DST: variants seen among roughly 807,000 people sequenced by gnomAD.
DST encodes the protein bullous pemphigoid antigen.
In DST, 253 loss-of-function variants were observed where a neutral mutation model predicts 875.2. That is an observed-to-expected ratio of 0.29 (90% CI 0.26 to 0.32). The LOEUF is 0.32. DST is among the 10% of genes least tolerant of loss of function. The pLI, the probability that DST is intolerant of heterozygous loss-of-function variation, is 1.00. For synonymous variants in DST, 3,124 were observed against 3,197.1 expected (o/e 0.98, Z 0.77); for missense variants, 8,287 against 9,111.6 (o/e 0.91, Z 3.68).
chr6:56,719,879 G>A (rs920543882), intron 5 of DST, among the ~76,000 whole-genome samples: 2 of 152,144 alleles, frequency 1.3e-5, no homozygotes, highest in Non-Finnish European at 2.9e-5. Context: ...CAAAGATCAC[G>A]TACTTCACAA....
At chr6:56,641,337 A>C (rs1172961593) in intron 17 of DST, among the ~76,000 whole-genome samples, 1 of 152,212 alleles carries the variant, frequency 6.6e-6, no homozygotes, top group African/African-American at 2.4e-5. Context: ...CTATAATCAC[A>C]GCATTTTGGG....
chr6:56,463,187 A>C (rs759376172), intron 101 of DST, 31 bp from the exon 102 acceptor site: 3 of 1,320,276 alleles, frequency 2.3e-6, no homozygotes, highest in African/African-American at 2.9e-5. Context: ...TCAAATGAAA[A>C]GGATAGCAGA....
intron 2 of DST, among the ~76,000 whole-genome samples, chr6:56,909,857 G>C (rs916663749): frequency 6.6e-6 from 1 of 152,138 alleles, no homozygotes; most frequent in Admixed American, 6.5e-5. Flanking sequence ...GTATCCCATC[G>C]TGCTATATGC....
intron 51 of DST, 118 bp from the exon 52 acceptor site, chr6:56,573,182 T>C: frequency 1.1e-6 from 1 of 888,466 alleles, no homozygotes; most frequent in Non-Finnish European, 1.7e-6. Flanking sequence ...CCTAGGAAGG[T>C]TAACAGTTGA....
chr6:56,485,347 T>G lies in DST; in HGVS notation c.21172A>C (p.Ile7058Leu). The G allele has an allele frequency of 6.2e-7, 1 of 1,613,828 alleles. No individual in the cohort carries two copies. The highest frequency in any genetic ancestry group is 1.3e-5 in the African/African-American group (1 of 75,058). ...LAEDQPVHGD[I>L]DLVMNLIDNH... is the part of the protein sequence containing the mutation. ...TCGATCAGATTCATCACCAAATCAA[T>G]GTCTCCATGAACAGGCTGGTCTTCT... is the stretch of plus-strand genomic sequence containing the variant. Residue 7058 changes from isoleucine (I) to leucine (L), a missense_variant, in exon 88 of 104, where the codon ATT becomes CTT. Physicochemically the swap from Ile to Leu is conservative, Grantham distance 5 (BLOSUM62 2). This residue lies in a region of DST where 1,292 missense variants were observed against 1,552.7 expected (regional missense o/e 0.83). Coordinates refer to ENST00000680361, the MANE Select transcript of DST (RefSeq NM_001374736.1).
At position 56,927,167 on chromosome 6, in the gene DST, C is replaced by G. The variant is rs566133592; in HGVS notation, c.217-26546G>C. Among the ~76,000 whole-genome samples the G allele has an allele frequency of 2.6e-5, 4 of 152,202 alleles. No homozygotes were observed. In the East Asian group the frequency reaches 7.7e-4, roughly 29 times the overall value. On this transcript the variant is annotated intron_variant, in intron 2 of 103. Coordinates refer to ENST00000680361, the MANE Select transcript of DST (RefSeq NM_001374736.1). ...TTTTTTTTAACTAGCTCAGCTAATG[C>G]AGAACACACAAACATCATTTTATCT...
intron 36 of DST, chr6:56,620,483 A>C (rs748256278): frequency 4.3e-6 from 7 of 1,614,018 alleles, no homozygotes; most frequent in Non-Finnish European, 5.9e-6. Flanking sequence ...TATCTTCTGC[A>C]GAGAGATATC....
chr6:56,771,383 C>A (rs1166985685), intron 4 of DST, among the ~76,000 whole-genome samples: 1 of 152,154 alleles, frequency 6.6e-6, no homozygotes, highest in African/African-American at 2.4e-5. Flanking sequence ...GTCCAACTGA[C>A]ATTCTGGATC....
chr6:56,507,739 TAACTTTGG>T (rs1260675234), intron 75 of DST, among the ~76,000 whole-genome samples: 5 of 152,098 alleles, frequency 3.3e-5, no homozygotes, highest in Non-Finnish European at 5.9e-5. Context: ...GAGAAAAACA[TAACTTTGG>T]AAACATAGGC....
intron 4 of DST, among the ~76,000 whole-genome samples, chr6:56,798,904 G>GT (rs1408168026): frequency 1.3e-5 from 2 of 152,214 alleles, no homozygotes; most frequent in Non-Finnish European, 2.9e-5. Flanking sequence ...AGTCCAGGAA[G>GT]TAACTGCAGA....
chr6:56,833,828 G>C (rs1031046101), intron 4 of DST, among the ~76,000 whole-genome samples: 1 of 151,974 alleles, frequency 6.6e-6, no homozygotes, highest in South Asian at 2.1e-4. Context: ...GGAGGTAATG[G>C]TATAAAAAGG....
intron 93 of DST, 68 bp downstream of exon 93, chr6:56,473,805 T>C (rs2095028342): frequency 6.7e-7 from 1 of 1,491,128 alleles, no homozygotes; most frequent in African/African-American, 1.4e-5. Context: ...AAATTTCAAA[T>C]AATTCAAAAT....
Position 56,790,298 on chromosome 6 carries a change from G to C in DST, c.626-55009C>G, listed in dbSNP as rs559137459. Among the ~76,000 whole-genome samples, 2 of 152,270 alleles carry C rather than the reference G, an allele frequency of 1.3e-5. 1 individual carries two copies. The highest frequency in any genetic ancestry group is 4.1e-4 in the South Asian group (2 of 4,822). The stretch of plus-strand genomic sequence containing the variant: ...TTTATCATGCCCGTTTTACAAAAGA[G>C]GAGATTGAGGCTCAGAGTACATTGG... On this transcript the variant is annotated intron_variant, in intron 4 of 103. Coordinates refer to ENST00000680361, the MANE Select transcript of DST (RefSeq NM_001374736.1).
intron 11 of DST, 35 bp from the exon 12 acceptor site, chr6:56,651,067 T>C (rs1384822332): frequency 5.7e-6 from 9 of 1,587,434 alleles, no homozygotes; most frequent in South Asian, 5.5e-5. Flanking sequence ...TATTTCACAA[T>C]GTTGATAAAT....
rs59775623 is a variant in DST, at chr6:56,860,908, T to A, written c.418-9304A>T. On this transcript the variant is annotated intron_variant, in intron 3 of 103. Transcript: ENST00000680361. ...TGTCCCTGTATCTTTCCAATACATA[T>A]CTTTCTGTAATTCAGAAGGTTTTTT... Among the ~76,000 whole-genome samples, 202 of 152,290 alleles carry A rather than the reference T, an allele frequency of 1.3e-3. 1 individual carries two copies. The highest frequency in any genetic ancestry group is 4.7e-3 in the African/African-American group (194 of 41,556).
intron 2 of DST, among the ~76,000 whole-genome samples, chr6:56,910,323 C>T (rs1047234307): frequency 5.3e-5 from 8 of 152,146 alleles, no homozygotes; most frequent in African/African-American, 1.9e-4. Context: ...TGCACCACTA[C>T]ATCCACTTAA....
intron 4 of DST, among the ~76,000 whole-genome samples, chr6:56,757,338 T>C (rs1255503550): frequency 6.6e-6 from 1 of 152,260 alleles, no homozygotes; most frequent in African/African-American, 2.4e-5. Flanking sequence ...TGAAGTTTTA[T>C]GTGAACACAA....
At chr6:56,824,703 T>C (rs184562847) in intron 4 of DST, among the ~76,000 whole-genome samples, 1 of 151,666 alleles carries the variant, frequency 6.6e-6, no homozygotes, top group Non-Finnish European at 1.5e-5. Context: ...CCGCCCCATC[T>C]GAGAAGTGAG....
rs2098972748 is a variant in DST, at chr6:56,651,034, TA to T, written c.1328-3del. 4.4e-6 allele frequency: 7 copies of T among 1,603,196 alleles called. No homozygotes were observed. Among genetic ancestry groups the T allele is most frequent in the Non-Finnish European group, 5.1e-6 (6 of 1,171,040 alleles). ...CATCAGGTGAGGAGACATCGACATC[TA>T]AAAACAGCAACATAAATTAATTATT... On this transcript the variant is annotated splice_region_variant and splice_polypyrimidine_tract_variant and intron_variant, in intron 11 of 103. Transcript: ENST00000680361.
Sources: allele counts gnomAD v4.1 joint callset (sites outside exome capture counted in the v4.1 genomes callset), GRCh38; gene constraint gnomAD v4.1.1; regional missense constraint gnomAD v4.1.1; transcripts MANE v1.5; gene names NCBI Gene and HGNC (gene_info 2026-07-23, HGNC 2026-07-21).